PI4KA: variants seen among roughly 807,000 people sequenced by gnomAD.
PI4KA encodes phosphatidylinositol 4-kinase alpha, also known as PI4-kinase alpha.
A neutral mutation model predicts 271.4 loss-of-function variants in PI4KA; 122 were observed. The observed-to-expected ratio is 0.45, with a 90% CI of 0.39 to 0.52. PI4KA has a LOEUF of 0.52. PI4KA is among the 20% of genes least tolerant of loss of function. The pLI is 0.00. For missense variants in PI4KA, 1,969 were observed against 2,769.1 expected, an observed-to-expected ratio of 0.71 and a Z score of 6.48; for synonymous variants, 1,041 against 1,078.8, an observed-to-expected ratio of 0.96 and a Z score of 0.69.
At chr22:20,752,211 C>A (rs1265586192) in intron 25 of PI4KA, among the ~76,000 whole-genome samples, 5 of 152,216 alleles carry the variant, frequency 3.3e-5, no homozygotes, top group Non-Finnish European at 5.9e-5. Flanking sequence ...CACCAGTGGC[C>A]CACTGCTCAG....
At chr22:20,815,161 T>A (rs1921612624) in intron 7 of PI4KA, among the ~76,000 whole-genome samples, 1 of 151,694 alleles carries the variant, frequency 6.6e-6, no homozygotes, top group South Asian at 2.1e-4. Flanking sequence ...GGCGGGTGGA[T>A]CACAAGGTCA....
At chr22:20,736,137 G>C (rs1928691492) in intron 32 of PI4KA, among the ~76,000 whole-genome samples, 1 of 152,192 alleles carries the variant, frequency 6.6e-6, no homozygotes, top group Non-Finnish European at 1.5e-5. Flanking sequence ...GAGAGCCCTG[G>C]CAAGGAGGGG....
chr22:20,766,675 A>G (rs2147405057), intron 19 of PI4KA, among the ~76,000 whole-genome samples: 1 of 152,312 alleles, frequency 6.6e-6, no homozygotes, highest in East Asian at 1.9e-4. Context: ...CAAAAAACCA[A>G]AAGGTTTAAC....
At chr22:20,752,072 C>T (rs1024766212) in intron 25 of PI4KA, among the ~76,000 whole-genome samples, 1 of 152,194 alleles carries the variant, frequency 6.6e-6, no homozygotes, top group African/African-American at 2.4e-5. Context: ...AGTTTCTGAC[C>T]AGGGTTCTCC....
intron 1 of PI4KA, among the ~76,000 whole-genome samples, chr22:20,854,881 G>A (rs1329503459): frequency 6.6e-6 from 1 of 152,304 alleles, no homozygotes; most frequent in African/African-American, 2.4e-5. Context: ...GCCGGGCGTG[G>A]TGGCTCACGC....
At chr22:20,818,842 CAACT>C (rs1447802298) in intron 6 of PI4KA, among the ~76,000 whole-genome samples, 2 of 152,136 alleles carry the variant, frequency 1.3e-5, no homozygotes, top group Non-Finnish European at 2.9e-5. Context: ...TTAAGGGCAC[CAACT>C]GTCTTCCAGG....
intron 29 of PI4KA, 41 bp from the exon 30 acceptor site, chr22:20,744,761 A>C: frequency 1.3e-6 from 2 of 1,508,514 alleles, no homozygotes; most frequent in Non-Finnish European, 1.8e-6. Flanking sequence ...TGGCAGCACT[A>C]TCCTTTCCTC....
At chr22:20,782,794 A>G (rs1367357277) in intron 19 of PI4KA, among the ~76,000 whole-genome samples, 2 of 152,192 alleles carry the variant, frequency 1.3e-5, no homozygotes, top group East Asian at 3.9e-4. Flanking sequence ...CATTGCCACA[A>G]ACTATTATGT....
rs573741807 is a variant in PI4KA, at chr22:20,735,694, G to A, written c.3742-1141C>T. Among the ~76,000 whole-genome samples, 171 of 152,358 alleles carry A rather than the reference G, an allele frequency of 1.1e-3. 3 individuals are homozygous for A. Among genetic ancestry groups the A allele is most frequent in the Admixed American group, 0.011 (165 of 15,310 alleles). ...TGGAGGCTGTGAGGGTGGAGACAAA[G>A]GCCACATAAGCCCAGGATGGCCAGG... On this transcript the variant is annotated intron_variant, in intron 32 of 54. Coordinates refer to ENST00000255882, the MANE Select transcript of PI4KA (RefSeq NM_058004.4).
At chr22:20,830,556 C>T (rs1248032297) in intron 3 of PI4KA, among the ~76,000 whole-genome samples, 2 of 152,014 alleles carry the variant, frequency 1.3e-5, no homozygotes, top group Admixed American at 1.3e-4. Context: ...TGGGATTGGT[C>T]TCTTAAAGAC....
intron 7 of PI4KA, among the ~76,000 whole-genome samples, chr22:20,817,324 C>T (rs1204206831): frequency 6.6e-6 from 1 of 152,126 alleles, no homozygotes; most frequent in Non-Finnish European, 1.5e-5. Context: ...CTGGGTCTTA[C>T]TTCCATCAAG....
intron 22 of PI4KA, among the ~76,000 whole-genome samples, chr22:20,764,244 T>C (rs994057424): frequency 3.3e-4 from 50 of 152,244 alleles, no homozygotes; most frequent in African/African-American, 1.1e-3. Context: ...TGCGTAAACA[T>C]GTGTAATGCA....
Position 20,761,297 on chromosome 22 carries a change from A to G in PI4KA, c.2791+7T>C. On this transcript the variant is annotated splice_region_variant and intron_variant, in intron 23 of 54. Coordinates refer to ENST00000255882, the MANE Select transcript of PI4KA (RefSeq NM_058004.4). ...TCATCATGAAAGCACCATAATAATG[A>G]GCTTACCAGATTTGTCTTTCTGAAT... The G allele has an allele frequency of 6.5e-7, 1 of 1,540,644 alleles. No individual in the cohort carries two copies. The highest frequency in any genetic ancestry group is 1.1e-5 in the South Asian group (1 of 89,562).
intron 19 of PI4KA, among the ~76,000 whole-genome samples, chr22:20,773,215 G>A (rs987787809): frequency 1.3e-5 from 2 of 151,902 alleles, no homozygotes; most frequent in East Asian, 1.9e-4. Flanking sequence ...GTGAAACCCC[G>A]TCTCTACTAA....
chr22:20,803,455 C>A (rs769281088), intron 12 of PI4KA, 135 bp from the exon 13 acceptor site: 1 of 897,792 alleles, frequency 1.1e-6, no homozygotes, highest in Non-Finnish European at 1.8e-6. Flanking sequence ...CCACAGGCCA[C>A]CTGCCCAGGA....
intron 32 of PI4KA, among the ~76,000 whole-genome samples, chr22:20,741,044 C>A (rs1929374027): frequency 6.6e-6 from 1 of 152,278 alleles, no homozygotes; most frequent in South Asian, 2.1e-4. Context: ...AAAGCCTTGT[C>A]TTAATTTCTT....
At chr22:20,739,039 A>G (rs1468216283) in intron 32 of PI4KA, among the ~76,000 whole-genome samples, 2 of 72,126 alleles carry the variant, frequency 2.8e-5, no homozygotes, top group Admixed American at 1.0e-4. Context: ...CTCAGTCACA[A>G]AAAAAAAAAA....
chr22:20,755,193 T>C (rs1931148506), intron 23 of PI4KA, among the ~76,000 whole-genome samples: 1 of 152,216 alleles, frequency 6.6e-6, no homozygotes, highest in Admixed American at 6.5e-5. Context: ...ACCGTGGATG[T>C]TTATTCGTTG....
In PI4KA at chr22:20,803,177, T is replaced by C. The variant is rs776683554; in HGVS notation, c.1591+14A>G. ...CCTTTCTCAGGGCCTGAAGGGCACATAGTCTGTTATTACCTGTGTGGTACT... is the reference window on the plus strand; with the variant it reads ...CCTTTCTCAGGGCCTGAAGGGCACACAGTCTGTTATTACCTGTGTGGTACT... On this transcript the variant is annotated intron_variant, in intron 13 of 54. Coordinates refer to ENST00000255882, the MANE Select transcript of PI4KA (RefSeq NM_058004.4). 42 of 1,613,588 alleles carry C rather than the reference T, an allele frequency of 2.6e-5. No homozygotes were observed. In the East Asian group the frequency reaches 7.8e-4, roughly 30 times the overall value.
Sources: allele counts gnomAD v4.1 joint callset (sites outside exome capture counted in the v4.1 genomes callset), GRCh38; gene constraint gnomAD v4.1.1; transcripts MANE v1.5; gene names NCBI Gene and HGNC (gene_info 2026-07-23, HGNC 2026-07-21).